The following RGS17 variants were observed in gnomAD, a reference collection of about 807,000 sequenced individuals.
RGS17 encodes regulator of G protein signaling 17, also known as regulator of G-protein signaling 17.
RGS17 carries 12 observed loss-of-function variants against 25.5 expected under a neutral mutation model. That is an observed-to-expected ratio of 0.47 (90% CI 0.30 to 0.76). The LOEUF (loss-of-function observed/expected upper bound fraction) is 0.76. Among genes scored for constraint, RGS17 ranks in the 30% least tolerant of loss-of-function variants. The probability of loss-of-function intolerance (pLI) is 0.07; values close to 1 mark genes in which losing one functional copy is unlikely to be tolerated. For missense variants in RGS17, 196 were observed against 242.2 expected, an observed-to-expected ratio of 0.81 and a Z score of 1.27; for synonymous variants, 71 against 76.9, an observed-to-expected ratio of 0.92 and a Z score of 0.40.
rs1179947476 is a variant in RGS17, at chr6:153,010,975, C to T, written c.*599G>A. ...TTGGCAGTGAACAACCAGAGGAATC[C>T]CCATTAGGATTTTCCAACAAACAGA... On this transcript the variant is annotated 3_prime_UTR_variant, in exon 5 of 5. Transcript: ENST00000206262. The T allele has an allele frequency of 6.6e-6, 1 of 151,716 alleles. No homozygotes were observed. Among genetic ancestry groups the T allele is most frequent in the East Asian group, 1.9e-4 (1 of 5,168 alleles). The allele number at this position is 151,716 out of a possible 1,614,324, so 9.4% of individuals were successfully genotyped here.
intron 1 of RGS17, among the ~76,000 whole-genome samples, chr6:153,098,694 C>G (rs1777253185): frequency 6.6e-6 from 1 of 152,028 alleles, no homozygotes; most frequent in Admixed American, 6.6e-5. Context: ...TATCAGATGC[C>G]GGGTGGCAAC....
chr6:153,019,235 T>C (rs1036812733), intron 4 of RGS17, among the ~76,000 whole-genome samples: 2 of 152,228 alleles, frequency 1.3e-5, no homozygotes, highest in South Asian at 2.1e-4. Flanking sequence ...ATGCAGTTTA[T>C]AGTCCTGGTA....
At chr6:153,087,102 G>C (rs1438486534) in intron 1 of RGS17, among the ~76,000 whole-genome samples, 1 of 151,966 alleles carries the variant, frequency 6.6e-6, no homozygotes, top group Non-Finnish European at 1.5e-5. Flanking sequence ...GGCCAACATG[G>C]CGAAACCCCA....
chr6:153,033,498 G>A (rs188379866), intron 2 of RGS17, among the ~76,000 whole-genome samples: 3 of 152,154 alleles, frequency 2.0e-5, no homozygotes, highest in Non-Finnish European at 4.4e-5. Context: ...TGGGCAGATC[G>A]CCTGAGCTCA....
At chr6:153,021,015 CAGAGAT>C (rs1779242884) in intron 4 of RGS17, among the ~76,000 whole-genome samples, 1 of 152,180 alleles carries the variant, frequency 6.6e-6, no homozygotes, top group South Asian at 2.1e-4. Flanking sequence ...TATAGAATTT[CAGAGAT>C]AGAAAGCCCA....
chr6:153,013,849 G>A (rs979749423), intron 4 of RGS17, among the ~76,000 whole-genome samples: 2 of 152,234 alleles, frequency 1.3e-5, no homozygotes, highest in Non-Finnish European at 2.9e-5. Flanking sequence ...AGAAAAGTTT[G>A]AAGCTCACAG....
intron 1 of RGS17, among the ~76,000 whole-genome samples, chr6:153,107,382 C>G (rs1243842735): frequency 6.6e-6 from 1 of 152,122 alleles, no homozygotes; most frequent in Non-Finnish European, 1.5e-5. Flanking sequence ...CATGTTCTCT[C>G]CAAACACCTA....
intron 1 of RGS17, among the ~76,000 whole-genome samples, chr6:153,064,773 G>T (rs944628007): frequency 6.6e-6 from 1 of 152,018 alleles, no homozygotes; most frequent in Non-Finnish European, 1.5e-5. Flanking sequence ...CAAGCCTCAT[G>T]GTAACCTCAA....
At chr6:153,039,390 A>G (rs576038302) in intron 2 of RGS17, among the ~76,000 whole-genome samples, 1 of 152,230 alleles carries the variant, frequency 6.6e-6, no homozygotes, top group East Asian at 1.9e-4. Flanking sequence ...TCTCTTGGAA[A>G]CTGCAAGCTG....
At chr6:153,054,052 T>C (rs1584136081) in intron 1 of RGS17, among the ~76,000 whole-genome samples, 5 of 73,046 alleles carry the variant, frequency 6.8e-5, no homozygotes, top group African/African-American at 3.1e-4. Context: ...TGTATATATG[T>C]ATATAATATA....
chr6:153,093,855 T>C (rs1240531520), intron 1 of RGS17, among the ~76,000 whole-genome samples: 1 of 152,192 alleles, frequency 6.6e-6, no homozygotes, highest in Non-Finnish European at 1.5e-5. Context: ...ACTAAATCCC[T>C]GGGTAATCTT....
intron 1 of RGS17, among the ~76,000 whole-genome samples, chr6:153,080,232 G>A (rs560885533): frequency 4.6e-5 from 7 of 152,166 alleles, no homozygotes; most frequent in African/African-American, 9.6e-5. Flanking sequence ...AGCCTGCCTC[G>A]GCCTCCCAAA....
At chr6:153,127,194 T>C (rs1395023664) in intron 1 of RGS17, among the ~76,000 whole-genome samples, 1 of 152,198 alleles carries the variant, frequency 6.6e-6, no homozygotes, top group African/African-American at 2.4e-5. Context: ...CAGGAGGTAA[T>C]GCTCACTTAC....
intron 1 of RGS17, among the ~76,000 whole-genome samples, chr6:153,046,957 A>C (rs932328445): frequency 6.6e-6 from 1 of 152,172 alleles, no homozygotes; most frequent in Non-Finnish European, 1.5e-5. Context: ...AAATAGTAAA[A>C]ACACATCTAG....
chr6:153,105,655 G>T (rs1049359515), intron 1 of RGS17, among the ~76,000 whole-genome samples: 1 of 151,588 alleles, frequency 6.6e-6, no homozygotes, highest in Admixed American at 6.7e-5. Context: ...CTTCCAAGTG[G>T]ATGAAGGCAG....
At chr6:153,030,153 G>C (rs2129107744) in intron 2 of RGS17, among the ~76,000 whole-genome samples, 1 of 152,270 alleles carries the variant, frequency 6.6e-6, no homozygotes, top group African/African-American at 2.4e-5. Context: ...AAATACTTGT[G>C]ACATTTGAGA....
At chr6:153,060,638 G>T (rs1159997484) in intron 1 of RGS17, among the ~76,000 whole-genome samples, 2 of 151,678 alleles carry the variant, frequency 1.3e-5, no homozygotes, top group Non-Finnish European at 2.9e-5. Flanking sequence ...TTGTGAGCTG[G>T]AGCCATTGTT....
chr6:153,061,952 C>G (rs1005466585), intron 1 of RGS17, among the ~76,000 whole-genome samples: 2 of 152,154 alleles, frequency 1.3e-5, no homozygotes, highest in Non-Finnish European at 2.9e-5. Flanking sequence ...TTAAACCTAG[C>G]TGATATCTAT....
At chr6:153,056,590 A>G (rs1299918071) in intron 1 of RGS17, among the ~76,000 whole-genome samples, 1 of 152,160 alleles carries the variant, frequency 6.6e-6, no homozygotes, top group African/African-American at 2.4e-5. Context: ...AGGGGCCTCA[A>G]GTTTACATAG....
Sources: allele counts gnomAD v4.1 joint callset (sites outside exome capture counted in the v4.1 genomes callset), GRCh38; gene constraint gnomAD v4.1.1; transcripts MANE v1.5; gene names NCBI Gene and HGNC (gene_info 2026-07-23, HGNC 2026-07-21).